SEMA3A: variants seen among roughly 807,000 people sequenced by gnomAD.
SEMA3A encodes semaphorin-3A.
A neutral mutation model predicts 97.9 loss-of-function variants in SEMA3A; 29 were observed. The ratio of observed to expected loss-of-function variants is 0.30; its 90% CI spans 0.22 to 0.40. SEMA3A has a LOEUF of 0.40. Ranked by LOEUF, SEMA3A falls within the 10% of genes least tolerant of loss-of-function variation. SEMA3A has a pLI of 1.00. For missense variants in SEMA3A, 763 were observed against 951.3 expected (o/e 0.80, Z 2.60); for synonymous variants, 321 against 323.7 (o/e 0.99, Z 0.09).
intron 2 of SEMA3A, among the ~76,000 whole-genome samples, chr7:84,129,622 C>T (rs1340294118): frequency 6.6e-6 from 1 of 151,732 alleles, no homozygotes; most frequent in Non-Finnish European, 1.5e-5. Flanking sequence ...GCTTTGGATA[C>T]ATTTCCCTGA....
chr7:84,055,314 C>A (rs545510879), intron 5 of SEMA3A, among the ~76,000 whole-genome samples: 1 of 152,212 alleles, frequency 6.6e-6, no homozygotes, highest in Non-Finnish European at 1.5e-5. Flanking sequence ...TCGCTGCGGC[C>A]TTGCAGTTTG....
chr7:84,119,306 T>C (rs1795529179), intron 3 of SEMA3A, among the ~76,000 whole-genome samples: 1 of 152,154 alleles, frequency 6.6e-6, no homozygotes, highest in Non-Finnish European at 1.5e-5. Context: ...AATGGAATAG[T>C]GAGAAGCTTC....
At chr7:84,094,097 G>C (rs1794675865) in intron 4 of SEMA3A, among the ~76,000 whole-genome samples, 3 of 152,046 alleles carry the variant, frequency 2.0e-5, no homozygotes. Flanking sequence ...AGTCTGACTG[G>C]ATAGGGTAAG....
intron 1 of SEMA3A, among the ~76,000 whole-genome samples, chr7:84,462,893 T>C (rs1242574563): frequency 6.6e-6 from 1 of 152,176 alleles, no homozygotes. Flanking sequence ...ATGGAAATCC[T>C]CATCTCTTTC....
intron 6 of SEMA3A, among the ~76,000 whole-genome samples, chr7:84,042,392 G>A (rs985974970): frequency 6.6e-6 from 1 of 151,846 alleles, no homozygotes; most frequent in African/African-American, 2.4e-5. Flanking sequence ...ATTGTAATTA[G>A]GTCTGTTTGT....
intron 1 of SEMA3A, among the ~76,000 whole-genome samples, chr7:84,181,234 T>C (rs1424404282): frequency 6.6e-6 from 1 of 151,244 alleles, no homozygotes; most frequent in Non-Finnish European, 1.5e-5. Context: ...ATAAAAATAT[T>C]TTATCATTTA....
intron 1 of SEMA3A, among the ~76,000 whole-genome samples, chr7:84,454,199 T>C (rs546409971): frequency 1.3e-5 from 2 of 152,186 alleles, no homozygotes; most frequent in Non-Finnish European, 2.9e-5. Flanking sequence ...TGGGGAATAT[T>C]TTCTCTCTTT....
chr7:83,989,363 T>A (rs945521510), intron 12 of SEMA3A, among the ~76,000 whole-genome samples: 9 of 152,076 alleles, frequency 5.9e-5, no homozygotes, highest in South Asian at 2.1e-4. Context: ...CATGTGCACC[T>A]TGTGCAGGTT....
intron 2 of SEMA3A, among the ~76,000 whole-genome samples, chr7:84,347,526 C>T (rs1428706196): frequency 6.6e-6 from 1 of 151,928 alleles, no homozygotes; most frequent in Non-Finnish European, 1.5e-5. Flanking sequence ...ATTCTCCTGC[C>T]TCAGCCTCTT....
intron 1 of SEMA3A, among the ~76,000 whole-genome samples, chr7:84,403,996 T>A (rs1034723352): frequency 1.3e-5 from 2 of 152,066 alleles, no homozygotes; most frequent in Non-Finnish European, 2.9e-5. Flanking sequence ...CCTCTCCTCC[T>A]CCAACGGAAC....
At chr7:84,350,024 A>T (rs765044253) in intron 2 of SEMA3A, among the ~76,000 whole-genome samples, 7 of 151,996 alleles carry the variant, frequency 4.6e-5, no homozygotes, top group Non-Finnish European at 8.8e-5. Context: ...AATCCCCCCA[A>T]ATTGGCCTAA....
intron 4 of SEMA3A, among the ~76,000 whole-genome samples, chr7:84,073,287 T>C (rs904464484): frequency 8.6e-5 from 13 of 151,974 alleles, no homozygotes; most frequent in African/African-American, 2.9e-4. Context: ...TGTGTCTGTG[T>C]GGACTGGATG....
At chr7:84,281,184 A>G (rs533042339) in intron 3 of SEMA3A, among the ~76,000 whole-genome samples, 1 of 152,140 alleles carries the variant, frequency 6.6e-6, no homozygotes, top group Admixed American at 6.6e-5. Flanking sequence ...GTGAAGGTTC[A>G]TCTCTAGGAT....
intron 1 of SEMA3A, among the ~76,000 whole-genome samples, chr7:84,154,094 A>G (rs748726010): frequency 2.6e-4 from 40 of 152,144 alleles, no homozygotes; most frequent in Non-Finnish European, 5.0e-4. Flanking sequence ...ATTTTCTTAT[A>G]GAAATCTTAT....
At chr7:84,150,504 C>T (rs892996963) in intron 1 of SEMA3A, among the ~76,000 whole-genome samples, 43 of 152,206 alleles carry the variant, frequency 2.8e-4, no homozygotes, top group African/African-American at 8.4e-4. Context: ...AATCGGGTCA[C>T]TCCCACCCGA....
intron 1 of SEMA3A, among the ~76,000 whole-genome samples, chr7:84,399,415 G>A (rs1803835646): frequency 6.6e-6 from 1 of 152,138 alleles, no homozygotes; most frequent in African/African-American, 2.4e-5. Flanking sequence ...AGAGGCTGTG[G>A]GCTCAGGGTA....
At chr7:84,478,015 G>T (rs1806344072) in intron 1 of SEMA3A, among the ~76,000 whole-genome samples, 2 of 152,126 alleles carry the variant, frequency 1.3e-5, no homozygotes, top group Admixed American at 1.3e-4. Context: ...TGGTGTTGAG[G>T]TAACATCTTT....
chr7:84,057,490 G>C (rs918414976), intron 5 of SEMA3A, among the ~76,000 whole-genome samples: 12 of 152,132 alleles, frequency 7.9e-5, no homozygotes, highest in African/African-American at 2.9e-4. Flanking sequence ...AATAAGGCCA[G>C]GCGCTGTGGC....
At chr7:84,041,226 G>C (rs746218341) in intron 6 of SEMA3A, among the ~76,000 whole-genome samples, 4 of 151,800 alleles carry the variant, frequency 2.6e-5, no homozygotes, top group Non-Finnish European at 5.9e-5. Flanking sequence ...ATGTTCCTTA[G>C]ACAAAAAGTG....
Sources: allele counts gnomAD v4.1 joint callset (sites outside exome capture counted in the v4.1 genomes callset), GRCh38; gene constraint gnomAD v4.1.1; transcripts MANE v1.5; gene names NCBI Gene and HGNC (gene_info 2026-07-23, HGNC 2026-07-21).